Variants in GPATCH8 observed in about 807,000 individuals in gnomAD.
GPATCH8 encodes G-patch domain containing 8.
GPATCH8 carries 18 observed loss-of-function variants against 118.3 expected under a neutral mutation model. The observed-to-expected ratio is 0.15, with a 90% CI of 0.11 to 0.23. The LOEUF is 0.23. GPATCH8 is among the 10% of genes least tolerant of loss of function. The pLI is 1.00. For synonymous variants in GPATCH8, 659 were observed against 684.7 expected, an observed-to-expected ratio of 0.96 and a Z score of 0.59; for missense variants, 1,631 against 1,873.8, an observed-to-expected ratio of 0.87 and a Z score of 2.39.
chr17:44,464,434 G>C (rs772003747), intron 3 of GPATCH8, 38 bp downstream of exon 3: 3 of 1,194,172 alleles, frequency 2.5e-6, no homozygotes, highest in Non-Finnish European at 2.5e-6. Context: ...ATCAGAAATG[G>C]TTTTCTTCCT....
chr17:44,433,819 A>G (rs1224076146), intron 5 of GPATCH8, among the ~76,000 whole-genome samples: 1 of 152,198 alleles, frequency 6.6e-6, no homozygotes, highest in Non-Finnish European at 1.5e-5. Flanking sequence ...ATTCTTCAAA[A>G]CCAAGAGTAA....
intron 5 of GPATCH8, among the ~76,000 whole-genome samples, chr17:44,426,368 C>T (rs1247572069): frequency 8.5e-5 from 13 of 152,048 alleles, no homozygotes; most frequent in African/African-American, 2.7e-4. Flanking sequence ...TTTGGGAGGC[C>T]GAGGCAGGCA....
intron 6 of GPATCH8, among the ~76,000 whole-genome samples, chr17:44,422,114 C>T (rs941193438): frequency 6.6e-6 from 1 of 152,052 alleles, no homozygotes; most frequent in Non-Finnish European, 1.5e-5. Context: ...CTCAAGAACC[C>T]CAAAACTTGA....
chr17:44,395,396 T>C lies in GPATCH8; in HGVS notation c.*2172A>G, dbSNP rs1390678525. ...CTGTTATGCTTGTAAGTAAGGTTTA[T>C]TTTTATTTTTACTTTTAAAATCACT... On this transcript the variant is annotated 3_prime_UTR_variant, in exon 8 of 8. Transcript: ENST00000591680. The C allele has an allele frequency of 2.2e-6, 1 of 453,128 alleles. No homozygotes were observed. The highest frequency in any genetic ancestry group is 4.4e-6 in the Non-Finnish European group (1 of 226,462). 28.1% of individuals were successfully genotyped at this position (453,128 alleles called of 1,614,324 possible).
intron 7 of GPATCH8, among the ~76,000 whole-genome samples, chr17:44,402,528 A>C (rs2049066381): frequency 6.6e-6 from 1 of 152,090 alleles, no homozygotes; most frequent in Non-Finnish European, 1.5e-5. Context: ...TCACATGTGT[A>C]ATCTCAGTGA....
chr17:44,451,136 GACAGAGTC>G (rs1487252436), intron 3 of GPATCH8, among the ~76,000 whole-genome samples: 1 of 151,988 alleles, frequency 6.6e-6, no homozygotes, highest in Non-Finnish European at 1.5e-5. Flanking sequence ...TTTCTTTGGA[GACAGAGTC>G]TTACTCTGTC....
intron 1 of GPATCH8, among the ~76,000 whole-genome samples, chr17:44,480,244 G>C (rs78252099): frequency 0.02 from 3,020 of 151,994 alleles, 108 homozygotes; most frequent in African/African-American, 0.069. Context: ...ATACAAACTA[G>C]AATCACAATG....
intron 1 of GPATCH8, among the ~76,000 whole-genome samples, chr17:44,484,132 G>A (rs1262039284): frequency 6.6e-6 from 1 of 152,042 alleles, no homozygotes; most frequent in Non-Finnish European, 1.5e-5. Flanking sequence ...GAGCCACCAT[G>A]CCAGACCAAT....
chr17:44,500,988 C>A (rs986540376), intron 1 of GPATCH8, among the ~76,000 whole-genome samples: 1 of 151,928 alleles, frequency 6.6e-6, no homozygotes, highest in Non-Finnish European at 1.5e-5. Flanking sequence ...TAGAAAAATA[C>A]CACTTTATTT....
At chr17:44,442,313 A>C (rs1396834290) in intron 3 of GPATCH8, among the ~76,000 whole-genome samples, 2 of 151,816 alleles carry the variant, frequency 1.3e-5, no homozygotes, top group African/African-American at 4.8e-5. Flanking sequence ...TTCAGCTGAG[A>C]ATGAGAGAAA....
intron 2 of GPATCH8, among the ~76,000 whole-genome samples, chr17:44,469,952 T>C (rs542420521): frequency 6.6e-6 from 1 of 152,294 alleles, no homozygotes; most frequent in South Asian, 2.1e-4. Flanking sequence ...AAAACCCAAT[T>C]ATACATATAC....
intron 7 of GPATCH8, among the ~76,000 whole-genome samples, chr17:44,405,036 A>C (rs190454427): frequency 6.6e-6 from 1 of 152,326 alleles, no homozygotes; most frequent in Admixed American, 6.5e-5. Flanking sequence ...AAATAGTTAG[A>C]AAGAGGATAC....
intron 1 of GPATCH8, among the ~76,000 whole-genome samples, chr17:44,477,475 G>A (rs1487754108): frequency 6.6e-6 from 1 of 151,998 alleles, no homozygotes; most frequent in Non-Finnish European, 1.5e-5. Context: ...GGCTCAAGGA[G>A]CCCAGCCTCA....
intron 1 of GPATCH8, among the ~76,000 whole-genome samples, chr17:44,480,215 A>G (rs951111897): frequency 3.3e-5 from 5 of 152,178 alleles, no homozygotes; most frequent in African/African-American, 1.2e-4. Flanking sequence ...CACATTCAAC[A>G]TTATTAACCA....
At chr17:44,442,419 G>A (rs1354783294) in intron 3 of GPATCH8, among the ~76,000 whole-genome samples, 1 of 152,006 alleles carries the variant, frequency 6.6e-6, no homozygotes, top group Non-Finnish European at 1.5e-5. Flanking sequence ...CTTTAAAGAC[G>A]ACCTTAATGA....
chr17:44,427,976 CATA>C (rs2143941991), intron 5 of GPATCH8, among the ~76,000 whole-genome samples: 1 of 152,218 alleles, frequency 6.6e-6, no homozygotes, highest in South Asian at 2.1e-4. Context: ...TTTGAGACCA[CATA>C]ATAACTTAAA....
intron 1 of GPATCH8, among the ~76,000 whole-genome samples, chr17:44,483,170 A>ATATATATAT: frequency 4.6e-5 from 1 of 21,860 alleles, no homozygotes; most frequent in Non-Finnish European, 1.0e-4. Context: ...AAAAAAAAAA[A>ATATATATAT]AAAAAAATAT....
intron 2 of GPATCH8, among the ~76,000 whole-genome samples, chr17:44,468,597 A>G (rs2144334433): frequency 6.6e-6 from 1 of 152,006 alleles, no homozygotes; most frequent in African/African-American, 2.4e-5. Context: ...TAATTTTAAA[A>G]AAAAGTAACT....
At chr17:44,422,615 C>T (rs1248658278) in intron 6 of GPATCH8, among the ~76,000 whole-genome samples, 1 of 151,854 alleles carries the variant, frequency 6.6e-6, no homozygotes, top group East Asian at 1.9e-4. Flanking sequence ...TCAGCCTCTC[C>T]GAGTAGCTGG....
Sources: gnomAD v4.1 joint callset for allele counts (sites outside exome capture counted in the v4.1 genomes callset) on GRCh38, gnomAD v4.1.1 for gene constraint, MANE v1.5 for transcripts, NCBI Gene and HGNC (gene_info 2026-07-23, HGNC 2026-07-21) for gene names.